Variants in MYOM2 observed in about 807,000 individuals in gnomAD.
MYOM2 encodes the protein myomesin 2.
Under a neutral mutation model 187.6 loss-of-function variants are expected in MYOM2, and 254 were observed. The observed-to-expected ratio is 1.35, with a 90% confidence interval of 1.22 to 1.50. The LOEUF (loss-of-function observed/expected upper bound fraction) is 1.50, where lower values mean the gene tolerates loss of function less well. MYOM2 is among the 40% of genes most tolerant of loss of function. The pLI is 0.00. For synonymous variants in MYOM2, 981 were observed against 753.8 expected (o/e 1.30, Z -4.94); for missense variants, 2,796 against 1,924.0 (o/e 1.45, Z -8.48).
At chr8:2,081,374 T>G (rs920351601) in intron 13 of MYOM2, among the ~76,000 whole-genome samples, 2 of 138,494 alleles carry the variant, frequency 1.4e-5, no homozygotes, top group Non-Finnish European at 1.6e-5. Context: ...AGAATGAGGT[T>G]TGGTTCTGGC....
At chr8:2,097,510 A>G (rs1796535433) in intron 18 of MYOM2, among the ~76,000 whole-genome samples, 1 of 152,054 alleles carries the variant, frequency 6.6e-6, no homozygotes, top group Non-Finnish European at 1.5e-5. Context: ...AAATCTATTT[A>G]TTTATATATT....
In MYOM2 at chr8:2,068,651, C is replaced by A. The variant is rs111711754; in HGVS notation, c.654-627C>A. ...TCAATGCACGTGTGCACCAGGATCA[C>A]CTGGAGAGTGGAGCAAAGCTCAAGC... On this transcript the variant is annotated intron_variant, in intron 6 of 36. Transcript: ENST00000262113. 3.8e-3 allele frequency among the ~76,000 whole-genome samples: 585 copies of A among 152,348 alleles called. 11 individuals are homozygous for A. Among genetic ancestry groups the A allele is most frequent in the African/African-American group, 0.014 (563 of 41,574 alleles).
intron 31 of MYOM2, 61 bp from the exon 32 acceptor site, chr8:2,129,066 T>C: frequency 1.5e-6 from 2 of 1,293,598 alleles, no homozygotes; most frequent in South Asian, 1.2e-5. Flanking sequence ...CCGCGATGCT[T>C]TCTGTGATCA....
Position 2,069,479 on chromosome 8 carries a change from G to A in MYOM2, c.775G>A (p.Val259Met), listed in dbSNP as rs1563427684. The change falls in exon 8 of 37, where the codon GTG becomes ATG. Residue 259 changes from valine to methionine, a missense_variant. By Grantham distance (21) the Val-to-Met change is conservative. Transcript: ENST00000262113. ...FRGDEEPFRSVGLPIGLPLSS... is the reference protein window; with the variant it reads ...FRGDEEPFRSMGLPIGLPLSS... ...GGGAGACGAGGAACCATTCCGTTCG[G>A]TGGGACTCCCGATTGGATGTAAGTG... 3 of 1,614,218 alleles carry A rather than the reference G, an allele frequency of 1.9e-6. No individual in the cohort carries two copies. The highest frequency in any genetic ancestry group is 2.2e-5 in the East Asian group (1 of 44,890).
At position 2,116,037 on chromosome 8, in the gene MYOM2, G is replaced by A. The variant is rs145361700; in HGVS notation, c.3258G>A (p.Gly1086=). 1.2e-4 allele frequency: 193 copies of A among 1,613,854 alleles called. 1 individual carries two copies. Among genetic ancestry groups the A allele is most frequent in the Middle Eastern group, 9.9e-4 (6 of 6,084 alleles). ...ATCGATTTAGTATTGAAAATGAGGGGACCTACACTGTGCAGATTCATGATG... is the reference window on the plus strand; with the variant it reads ...ATCGATTTAGTATTGAAAATGAGGGAACCTACACTGTGCAGATTCATGATG... ...VMDRFSIENE[G]TYTVQIHDGK... Residue 1086 remains glycine (G), a synonymous_variant, in exon 26 of 37, where the codon GGG becomes GGA. Transcript: ENST00000262113.
At chr8:2,105,737 T>C (rs1313827644) in intron 21 of MYOM2, among the ~76,000 whole-genome samples, 3 of 152,180 alleles carry the variant, frequency 2.0e-5, no homozygotes, top group African/African-American at 7.2e-5. Flanking sequence ...CTAAAGTGTT[T>C]TCTCTCTCAC....
chr8:2,101,197 A>T (rs745487696), intron 20 of MYOM2, 143 bp downstream of exon 20: 40 of 791,580 alleles, frequency 5.1e-5, no homozygotes, highest in African/African-American at 7.0e-5. Context: ...AATACAAAAA[A>T]ATTAGCCGGG....
chr8:2,066,075 C>T (rs943550212), intron 6 of MYOM2, among the ~76,000 whole-genome samples: 9 of 152,218 alleles, frequency 5.9e-5, no homozygotes, highest in Non-Finnish European at 1.0e-4. Context: ...TGGGTCAAGG[C>T]GTTCACCCTT....
intron 28 of MYOM2, among the ~76,000 whole-genome samples, chr8:2,121,498 T>G (rs1797456809): frequency 6.6e-6 from 1 of 152,208 alleles, no homozygotes; most frequent in Non-Finnish European, 1.5e-5. Context: ...TAATATTACT[T>G]GAGGTTTGAG....
intron 32 of MYOM2, among the ~76,000 whole-genome samples, chr8:2,133,620 C>T (rs1353299809): frequency 2.0e-5 from 3 of 152,272 alleles, no homozygotes; most frequent in East Asian, 1.9e-4. Context: ...GCCACCATGC[C>T]TGGCTAATTT....
In MYOM2 at chr8:2,106,344, C is replaced by G; in HGVS notation, c.2837C>G (p.Ser946Cys). The G allele has an allele frequency of 6.2e-7, 1 of 1,614,146 alleles. No individual in the cohort carries two copies. The highest frequency in any genetic ancestry group is 1.1e-5 in the South Asian group (1 of 91,080). The change falls in exon 22 of 37, where the codon TCC becomes TGC. Residue 946 changes from serine (S) to cysteine (C), a missense_variant. Ser to Cys is a moderately radical substitution (Grantham distance 112). Transcript: ENST00000262113. ...TDASQFTWCK[S>C]YEEISDDERF... The stretch of plus-strand genomic sequence containing the variant: ...GCGTCTCAGTTCACCTGGTGTAAAT[C>G]CTACGAGGAGATTTCAGATGATGAG...
At chr8:2,099,637 C>T (rs908024979) in intron 19 of MYOM2, among the ~76,000 whole-genome samples, 1 of 152,068 alleles carries the variant, frequency 6.6e-6, no homozygotes, top group African/African-American at 2.4e-5. Context: ...CCAGGCTGGT[C>T]TTGAACTCCT....
intron 32 of MYOM2, 21 bp from the exon 33 acceptor site, chr8:2,140,702 G>T (rs761255951): frequency 1.2e-6 from 2 of 1,612,036 alleles, no homozygotes; most frequent in Non-Finnish European, 8.5e-7. Context: ...ACTCAGATAC[G>T]TTCCTGTTGC....
intron 1 of MYOM2, among the ~76,000 whole-genome samples, chr8:2,045,900 C>A (rs1031256147): frequency 3.3e-5 from 5 of 152,236 alleles, no homozygotes; most frequent in African/African-American, 1.2e-4. Flanking sequence ...AGGGGTTTGC[C>A]ATCACTGGGA....
At chr8:2,099,642 ACTC>A (rs1306795345) in intron 19 of MYOM2, among the ~76,000 whole-genome samples, 1 of 150,454 alleles carries the variant, frequency 6.6e-6, no homozygotes, top group Admixed American at 6.6e-5. Context: ...CTGGTCTTGA[ACTC>A]CTGGGCTCAA....
At chr8:2,051,102 G>A (rs1818469878) in intron 2 of MYOM2, among the ~76,000 whole-genome samples, 1 of 152,212 alleles carries the variant, frequency 6.6e-6, no homozygotes, top group South Asian at 2.1e-4. Context: ...TGATCGAGGT[G>A]GGGAGGCAGG....
At chr8:2,084,370 T>C (rs1201534618) in intron 13 of MYOM2, among the ~76,000 whole-genome samples, 1 of 152,244 alleles carries the variant, frequency 6.6e-6, no homozygotes, top group African/African-American at 2.4e-5. Context: ...TATTTCCATG[T>C]TCAGTTCCTG....
rs1382294077 is a variant in MYOM2 at position 2,109,467 on chromosome 8, A to T, written c.3116A>T (p.Glu1039Val). The T allele has an allele frequency of 6.2e-7, 1 of 1,613,508 alleles. No individual in the cohort carries two copies. ...CGGGTTCGCTTCTGGCTCCAGGCTGAGCACTTATCACCAGATGCCAGCTAC... is the reference window on the plus strand; with the variant it reads ...CGGGTTCGCTTCTGGCTCCAGGCTGTGCACTTATCACCAGATGCCAGCTAC... ...KGRVRFWLQAEHLSPDASYRF... is the reference protein window; with the variant it reads ...KGRVRFWLQAVHLSPDASYRF... The change falls in exon 25 of 37, where the codon GAG becomes GTG. Residue 1039 changes from glutamate to valine, a missense_variant. By Grantham distance (121) the Glu-to-Val change is moderately radical. Transcript: ENST00000262113.
chr8:2,124,050 T>C (rs952825182), intron 30 of MYOM2, 129 bp from the exon 31 acceptor site: 22 of 897,736 alleles, frequency 2.5e-5, no homozygotes, highest in East Asian at 8.0e-5. Context: ...TGGATAAATA[T>C]TGCCATTTTA....
Sources: gnomAD v4.1 joint callset for allele counts (sites outside exome capture counted in the v4.1 genomes callset) on GRCh38, gnomAD v4.1.1 for gene constraint, MANE v1.5 for transcripts, NCBI Gene and HGNC (gene_info 2026-07-23, HGNC 2026-07-21) for gene names.